The following LGR5 variants were observed in gnomAD, a reference collection of about 807,000 sequenced individuals.
LGR5 encodes the protein leucine rich repeat containing G protein-coupled receptor 5, also known as leucine-rich repeat-containing G protein-coupled receptor 5.
LGR5 carries 54 observed loss-of-function variants against 76.7 expected under a neutral mutation model. The observed-to-expected ratio is 0.70, with a 90% CI of 0.57 to 0.88. LGR5 has a LOEUF of 0.88. Among genes scored for constraint, LGR5 ranks in the 40% least tolerant of loss-of-function variants. The pLI is 0.00. For synonymous variants in LGR5, 406 were observed against 421.9 expected, an observed-to-expected ratio of 0.96 and a Z score of 0.46; for missense variants, 1,078 against 1,073.3, an observed-to-expected ratio of 1.00 and a Z score of -0.06.
At chr12:71,508,044 C>T (rs1874946191) in intron 2 of LGR5, among the ~76,000 whole-genome samples, 1 of 149,814 alleles carries the variant, frequency 6.7e-6, no homozygotes, top group African/African-American at 2.5e-5. Flanking sequence ...CATGGTGAAA[C>T]CTGTCTCTAC....
At chr12:71,577,814 C>T (rs1878923685) in intron 13 of LGR5, 111 bp from the exon 14 acceptor site, 2 of 695,322 alleles carry the variant, frequency 2.9e-6, no homozygotes, top group Non-Finnish European at 5.0e-6. Context: ...TTAATTGTTT[C>T]TGATCTGAAT....
chr12:71,545,417 A>C (rs1877105708), intron 4 of LGR5, among the ~76,000 whole-genome samples: 1 of 152,166 alleles, frequency 6.6e-6, no homozygotes, highest in South Asian at 2.1e-4. Context: ...CTGCCACTGC[A>C]CTCCAGCGTG....
chr12:71,552,188 A>G (rs756418369), intron 4 of LGR5, among the ~76,000 whole-genome samples: 4 of 152,156 alleles, frequency 2.6e-5, no homozygotes, highest in African/African-American at 4.8e-5. Flanking sequence ...CCACCATGGC[A>G]CATGTATACC....
chr12:71,549,277 C>A lies in LGR5; in HGVS notation c.429-3796C>A, dbSNP rs192793119. Among the ~76,000 whole-genome samples, 16 of 125,388 alleles carry A rather than the reference C, an allele frequency of 1.3e-4. No individual in the cohort carries two copies. In the East Asian group the frequency reaches 2.8e-3, roughly 22 times the overall value. 82.3% of individuals were successfully genotyped at this position (125,388 alleles called of 152,430 possible). ...TAGAAGCAGAGTGTAGAATAGTGGTCGCCAGGGGCTGGGAGTGGGAGTGGT... is the reference window on the plus strand; with the variant it reads ...TAGAAGCAGAGTGTAGAATAGTGGTAGCCAGGGGCTGGGAGTGGGAGTGGT... On this transcript the variant is annotated intron_variant, in intron 4 of 17. Coordinates refer to ENST00000266674, the MANE Select transcript of LGR5 (RefSeq NM_003667.4).
In LGR5 at chr12:71,584,205, T is replaced by A. The variant is rs757649365; in HGVS notation, c.2195T>A (p.Leu732His). The part of the protein sequence containing the change: ...TMGYMVALIL[L>H]NSLCFLMMTI... ...GGCTACATGGTCGCTCTCATCTTGC[T>A]CAATTCCCTTTGCTTCCTCATGATG... The change falls in exon 18 of 18, where the codon CTC (leucine) becomes CAC (histidine). Residue 732 changes from leucine to histidine, a missense_variant. By Grantham distance (99) the Leu-to-His change is moderately conservative. Coordinates refer to ENST00000266674, the MANE Select transcript of LGR5 (RefSeq NM_003667.4). 1.9e-6 allele frequency: 3 copies of A among 1,614,168 alleles called. No homozygotes were observed. The South Asian group carries it at 3.3e-5, about 18-fold the overall frequency.
At chr12:71,506,785 A>G (rs1378445942) in intron 2 of LGR5, among the ~76,000 whole-genome samples, 1 of 152,238 alleles carries the variant, frequency 6.6e-6, no homozygotes, top group Non-Finnish European at 1.5e-5. Flanking sequence ...AGACATCATT[A>G]TTCATTTAGC....
At chr12:71,469,757 T>C (rs981118308) in intron 1 of LGR5, among the ~76,000 whole-genome samples, 16 of 152,110 alleles carry the variant, frequency 1.1e-4, no homozygotes, top group African/African-American at 3.9e-4. Flanking sequence ...TTGGTAACAA[T>C]TAAAGGCCCA....
Position 71,556,683 on chromosome 12 carries a change from G to A in LGR5, c.709G>A (p.Glu237Lys), listed in dbSNP as rs773192271. 1 of 1,606,402 alleles carries A rather than the reference G, an allele frequency of 6.2e-7. No homozygotes were observed. The highest frequency in any genetic ancestry group is 1.1e-5 in the South Asian group (1 of 90,918). ...KKCFDGLHSL[E>K]TLDLNYNNLD... ...ATGCTTTGATGGGCTCCACAGCCTA[G>A]AGACTTTGTGAGTTGACCTTTTATT... The change falls in exon 6 of 18, where the codon GAG becomes AAG. Residue 237 changes from glutamate to lysine, a missense_variant. Glu to Lys is a moderately conservative substitution (Grantham distance 56, BLOSUM62 1). Coordinates refer to ENST00000266674, the MANE Select transcript of LGR5 (RefSeq NM_003667.4).
chr12:71,445,660 T>C (rs1416487107), intron 1 of LGR5, among the ~76,000 whole-genome samples: 6 of 152,204 alleles, frequency 3.9e-5, no homozygotes, highest in Non-Finnish European at 4.4e-5. Context: ...CATTTTTCTG[T>C]TTAATGGATT....
chr12:71,545,309 A>T (rs547792636), intron 4 of LGR5, among the ~76,000 whole-genome samples: 1 of 152,112 alleles, frequency 6.6e-6, no homozygotes, highest in East Asian at 1.9e-4. Flanking sequence ...TTAGCTGGGC[A>T]TGGTGGTGTA....
intron 4 of LGR5, among the ~76,000 whole-genome samples, chr12:71,539,274 A>G (rs544918089): frequency 6.6e-6 from 1 of 152,334 alleles, no homozygotes; most frequent in African/African-American, 2.4e-5. Context: ...GACGTAGATC[A>G]TTTGCATTCT....
chr12:71,484,514 G>A (rs141181680), intron 1 of LGR5, among the ~76,000 whole-genome samples: 2 of 152,258 alleles, frequency 1.3e-5, no homozygotes, highest in East Asian at 3.9e-4. Context: ...CACCAAGAGC[G>A]CTTAAATAAG....
intron 1 of LGR5, among the ~76,000 whole-genome samples, chr12:71,478,368 T>C (rs1315883212): frequency 1.3e-5 from 2 of 152,226 alleles, no homozygotes; most frequent in Admixed American, 6.5e-5. Flanking sequence ...AGCCATGTTA[T>C]TGGGAGCTAA....
At chr12:71,479,130 C>T (rs75282482) in intron 1 of LGR5, among the ~76,000 whole-genome samples, 2,419 of 151,416 alleles carry the variant, frequency 0.016, 73 homozygotes, top group African/African-American at 0.056. Flanking sequence ...AAAATTAATA[C>T]GTTTTATTGG....
intron 1 of LGR5, among the ~76,000 whole-genome samples, chr12:71,444,173 A>G (rs191472757): frequency 7.0e-4 from 106 of 152,216 alleles, no homozygotes; most frequent in African/African-American, 2.5e-3. Context: ...AAATAAAAGA[A>G]AATGTACTTT....
At chr12:71,563,228 T>C (rs1182223112) in intron 8 of LGR5, among the ~76,000 whole-genome samples, 1 of 152,192 alleles carries the variant, frequency 6.6e-6, no homozygotes, top group Non-Finnish European at 1.5e-5. Flanking sequence ...TGTTTCCATC[T>C]CTTCAAAGCC....
chr12:71,510,825 A>G (rs879464340), intron 2 of LGR5, among the ~76,000 whole-genome samples: 1 of 152,098 alleles, frequency 6.6e-6, no homozygotes, highest in African/African-American at 2.4e-5. Flanking sequence ...GGGAGCCTGG[A>G]GCTGAGATAC....
intron 11 of LGR5, among the ~76,000 whole-genome samples, chr12:71,568,703 G>A (rs1353190839): frequency 6.6e-6 from 1 of 152,172 alleles, no homozygotes; most frequent in African/African-American, 2.4e-5. Flanking sequence ...ATTAGCTGAA[G>A]TTGAGACTAG....
intron 1 of LGR5, among the ~76,000 whole-genome samples, chr12:71,487,990 G>A (rs73340129): frequency 0.023 from 3,477 of 152,276 alleles, 136 homozygotes; most frequent in African/African-American, 0.079. Context: ...GCCAAGAGGA[G>A]GGTACCAAGC....
Sources: gnomAD v4.1 joint callset for allele counts (sites outside exome capture counted in the v4.1 genomes callset) on GRCh38, gnomAD v4.1.1 for gene constraint, MANE v1.5 for transcripts, NCBI Gene and HGNC (gene_info 2026-07-23, HGNC 2026-07-21) for gene names.